TBCK: variants seen among roughly 807,000 people sequenced by gnomAD.
TBCK encodes TBC domain-containing protein kinase-like protein.
In TBCK, 99 loss-of-function variants were observed where a neutral mutation model predicts 113.4. The ratio of observed to expected loss-of-function variants is 0.87; its 90% CI spans 0.74 to 1.03. The LOEUF (loss-of-function observed/expected upper bound fraction) is 1.03, where lower values mean the gene tolerates loss of function less well. Ranked by LOEUF, TBCK falls within the 50% of genes least tolerant of loss-of-function variation. The pLI, the probability that TBCK is intolerant of heterozygous loss-of-function variation, is 0.00. For synonymous variants in TBCK, 369 were observed against 370.8 expected, an observed-to-expected ratio of 1.00 and a Z score of 0.05; for missense variants, 1,045 against 1,061.3, an observed-to-expected ratio of 0.98 and a Z score of 0.21.
intron 3 of TBCK, among the ~76,000 whole-genome samples, chr4:106,277,850 T>C (rs1276134037): frequency 3.3e-5 from 5 of 152,164 alleles, no homozygotes; most frequent in African/African-American, 9.7e-5. Context: ...CAAATGTAAA[T>C]TTAACCTAAA....
chr4:106,209,368 T>C (rs183993884), intron 20 of TBCK, among the ~76,000 whole-genome samples: 36 of 146,898 alleles, frequency 2.5e-4, no homozygotes, highest in Admixed American at 1.2e-3. Flanking sequence ...ACTCTAAAAT[T>C]TTTTAAACCA....
At chr4:106,099,869 A>T (rs570934173) in intron 24 of TBCK, among the ~76,000 whole-genome samples, 1 of 152,292 alleles carries the variant, frequency 6.6e-6, no homozygotes, top group South Asian at 2.1e-4. Flanking sequence ...TTAAAAGCAA[A>T]GTGTTCTGAT....
intron 23 of TBCK, among the ~76,000 whole-genome samples, chr4:106,147,649 A>G (rs1352233637): frequency 1.3e-5 from 2 of 152,040 alleles, no homozygotes; most frequent in South Asian, 2.1e-4. Context: ...CTTTACTTTA[A>G]TCTCTTAATC....
chr4:106,171,253 A>T lies in TBCK; in HGVS notation c.2077T>A (p.Cys693Ser). ...AACAGGTTGATAGATTCTCTCACAC[A>T]GCGTTCAATGTCAATTTCTAGATAG... The part of the protein sequence containing the change: ...SDLPEIDIER[C>S]VRESINLFCW... Residue 693 changes from cysteine to serine, a missense_variant, in exon 23 of 26, where the codon TGT (cysteine) becomes AGT (serine). Physicochemically the swap from Cys to Ser is moderately radical, Grantham distance 112 (BLOSUM62 -1). Transcript: ENST00000394708. The T allele has an allele frequency of 6.2e-7, 1 of 1,606,146 alleles. No individual in the cohort carries two copies. The highest frequency in any genetic ancestry group is 8.5e-7 in the Non-Finnish European group (1 of 1,177,296).
chr4:106,195,458 G>C (rs1384814048), intron 20 of TBCK, among the ~76,000 whole-genome samples: 2 of 146,360 alleles, frequency 1.4e-5, no homozygotes, highest in Non-Finnish European at 3.0e-5. Context: ...GACTGCATCA[G>C]GTGATACCTA....
At chr4:106,177,386 T>C (rs9996093) in intron 22 of TBCK, among the ~76,000 whole-genome samples, 61,108 of 151,610 alleles carry the variant, frequency 0.4, 12,632 homozygotes, top group African/African-American at 0.48. Context: ...TGTGTTTTTG[T>C]GGTCTGACCT....
intron 25 of TBCK, among the ~76,000 whole-genome samples, chr4:106,092,029 A>G (rs1740316220): frequency 6.6e-6 from 1 of 152,232 alleles, no homozygotes; most frequent in African/African-American, 2.4e-5. Flanking sequence ...GTGTATTTAC[A>G]AACCCTGAGC....
Position 106,171,125 on chromosome 4 carries a change from A to G in TBCK, c.2205T>C (p.Ala735=). Residue 735 remains alanine (A), a synonymous_variant, in exon 23 of 26, where the codon GCT becomes GCC. Transcript: ENST00000394708. The part of the protein sequence containing the change: ...GGRSSAPYFS[A]ECPDPPKTDL... Reference sequence around the variant, plus strand: ...CTGTCTTTGGAGGATCTGGACACTCAGCAGAGAAATAAGGTGCCGAACTTC... The same window carrying G: ...CTGTCTTTGGAGGATCTGGACACTCGGCAGAGAAATAAGGTGCCGAACTTC... 1.2e-6 allele frequency: 2 copies of G among 1,611,768 alleles called. No homozygotes were observed. The highest frequency in any genetic ancestry group is 1.7e-6 in the Non-Finnish European group (2 of 1,179,160).
intron 22 of TBCK, 120 bp downstream of exon 22, chr4:106,193,488 AT>A (rs1753882023): frequency 1.1e-6 from 1 of 945,978 alleles, no homozygotes; most frequent in African/African-American, 1.7e-5. Context: ...AGAGAGGATG[AT>A]GAGGCCCAAA....
intron 25 of TBCK, among the ~76,000 whole-genome samples, chr4:106,079,854 A>C (rs1738651388): frequency 6.6e-6 from 1 of 152,186 alleles, no homozygotes; most frequent in African/African-American, 2.4e-5. Context: ...ATGGAAGGTG[A>C]GGAGGAAGCA....
At chr4:106,290,188 T>C (rs1308536037) in intron 3 of TBCK, among the ~76,000 whole-genome samples, 2 of 152,128 alleles carry the variant, frequency 1.3e-5, no homozygotes, top group African/African-American at 2.4e-5. Flanking sequence ...TATTTATTTA[T>C]TTATTTAGAG....
At chr4:106,112,852 A>G (rs1209339910) in intron 24 of TBCK, among the ~76,000 whole-genome samples, 1 of 152,162 alleles carries the variant, frequency 6.6e-6, no homozygotes, top group Non-Finnish European at 1.5e-5. Context: ...AAACTGGAGA[A>G]ACTTATCTGA....
upstream of TBCK, chr4:106,316,526 G>C (rs1768899118): frequency 6.4e-7 from 1 of 1,551,580 alleles, no homozygotes; most frequent in Non-Finnish European, 8.7e-7. Flanking sequence ...CACTGCTATA[G>C]TACGCGGGTG....
intron 23 of TBCK, among the ~76,000 whole-genome samples, chr4:106,167,800 T>C (rs1252327708): frequency 6.6e-6 from 1 of 151,666 alleles, no homozygotes; most frequent in Non-Finnish European, 1.5e-5. Flanking sequence ...ACAAAACTTA[T>C]ATGAGAAGAA....
chr4:106,308,980 C>G lies in TBCK; in HGVS notation c.-20G>C, dbSNP rs1398184705. The G allele has an allele frequency of 6.3e-7, 1 of 1,596,174 alleles. No homozygotes were observed. Among genetic ancestry groups the G allele is most frequent in the East Asian group, 2.2e-5 (1 of 44,622 alleles). ...AAACATTTTTGGAGTCCTAGGTCTT[C>G]TAAGATAATCTGGAAAAGGAGAGAA... On this transcript the variant is annotated 5_prime_UTR_variant, in exon 2 of 26. Transcript: ENST00000394708.
At chr4:106,171,374 G>A in intron 22 of TBCK, 104 bp from the exon 23 acceptor site, 1 of 802,528 alleles carries the variant, frequency 1.2e-6, no homozygotes, top group Non-Finnish European at 1.9e-6. Context: ...ATATGGCTAA[G>A]ATGATAAGTT....
chr4:106,262,286 C>G, intron 3 of TBCK, 74 bp from the exon 4 acceptor site: 2 of 748,444 alleles, frequency 2.7e-6, no homozygotes, highest in Non-Finnish European at 4.4e-6. Context: ...TGAAATGTGA[C>G]CTAGTGAAAA....
rs1293626113 is a variant in TBCK, at chr4:106,301,132, T to A, written c.194-5966A>T. Among the ~76,000 whole-genome samples the A allele has an allele frequency of 2.0e-5, 3 of 151,868 alleles. No homozygotes were observed. The East Asian group carries it at 5.8e-4, about 29-fold the overall frequency. ...CATGCAAACCAATTCCCAGCAATTC[T>A]TTTTTATATATTCATATAACTTACA... On this transcript the variant is annotated intron_variant, in intron 2 of 25. Transcript: ENST00000394708.
At chr4:106,121,183 A>C (rs1205464912) in intron 23 of TBCK, among the ~76,000 whole-genome samples, 1 of 151,960 alleles carries the variant, frequency 6.6e-6, no homozygotes, top group Non-Finnish European at 1.5e-5. Context: ...AGGAAGATCT[A>C]CCAAGCAAAT....
Sources: allele counts gnomAD v4.1 joint callset (sites outside exome capture counted in the v4.1 genomes callset), GRCh38; gene constraint gnomAD v4.1.1; transcripts MANE v1.5; gene names NCBI Gene and HGNC (gene_info 2026-07-23, HGNC 2026-07-21).